SYN3: variants seen among roughly 807,000 people sequenced by gnomAD.
The protein encoded by SYN3 is synapsin III, also known as synapsin-3.
Under a neutral mutation model 65.8 loss-of-function variants are expected in SYN3, and 35 were observed. That is an observed-to-expected ratio of 0.53 (90% CI 0.41 to 0.70). The LOEUF is 0.70. Among genes scored for constraint, SYN3 ranks in the 30% least tolerant of loss-of-function variants. SYN3 has a pLI of 0.00. For synonymous variants in SYN3, 270 were observed against 292.9 expected, an observed-to-expected ratio of 0.92 and a Z score of 0.80; for missense variants, 680 against 749.0, an observed-to-expected ratio of 0.91 and a Z score of 1.08.
rs368546777 is a variant in SYN3 at position 32,788,979 on chromosome 22, C to G, written c.711+75936G>C. 1.4e-4 allele frequency among the ~76,000 whole-genome samples: 21 copies of G among 152,322 alleles called. No individual in the cohort carries two copies. The East Asian group carries it at 3.9e-3, about 28-fold the overall frequency. On this transcript the variant is annotated intron_variant, in intron 6 of 13. Coordinates refer to ENST00000358763, the MANE Select transcript of SYN3 (RefSeq NM_003490.4). ...CCTTGCCACATGCTGCCCCCCCACC[C>G]CCAACAAGCCAGATGCCAGTCACCT...
chr22:32,595,008 A>G (rs140205158), intron 7 of SYN3, among the ~76,000 whole-genome samples: 169 of 152,260 alleles, frequency 1.1e-3, no homozygotes, highest in African/African-American at 3.7e-3. Flanking sequence ...GTCCCCTCCA[A>G]TGTGAGTGGC....
chr22:32,634,676 C>T (rs2059790579), intron 6 of SYN3, among the ~76,000 whole-genome samples: 2 of 152,170 alleles, frequency 1.3e-5, no homozygotes, highest in South Asian at 4.1e-4. Context: ...CTAACTATTA[C>T]TTCTCTTTCA....
At chr22:32,887,016 T>TAG (rs2049312484) in intron 4 of SYN3, among the ~76,000 whole-genome samples, 2 of 149,932 alleles carry the variant, frequency 1.3e-5, no homozygotes, top group Non-Finnish European at 3.0e-5. Flanking sequence ...GTCAGATAAG[T>TAG]CTCAGTCTTG....
Position 32,736,910 on chromosome 22 carries a change from T to C in SYN3, c.711+128005A>G, listed in dbSNP as rs73156435. ...TGTGTATTCTTCAAATGCTCTCCTATTCTTTTTTCACTAAACATTTACCAG... is the reference window on the plus strand; with the variant it reads ...TGTGTATTCTTCAAATGCTCTCCTACTCTTTTTTCACTAAACATTTACCAG... On this transcript the variant is annotated intron_variant, in intron 6 of 13. Transcript: ENST00000358763. 4.1e-3 allele frequency among the ~76,000 whole-genome samples: 619 copies of C among 152,282 alleles called. 4 individuals are homozygous for C. The highest frequency in any genetic ancestry group is 0.013 in the East Asian group (66 of 5,170).
chr22:32,589,362 G>T (rs945117289), intron 7 of SYN3, among the ~76,000 whole-genome samples: 1 of 152,170 alleles, frequency 6.6e-6, no homozygotes, highest in African/African-American at 2.4e-5. Context: ...CACCTCCATG[G>T]TGTCTTAATT....
intron 6 of SYN3, among the ~76,000 whole-genome samples, chr22:32,719,078 C>A (rs1415725465): frequency 6.6e-6 from 1 of 152,228 alleles, no homozygotes; most frequent in Non-Finnish European, 1.5e-5. Flanking sequence ...CTCTATGAAG[C>A]CTTCCTCAGG....
chr22:32,938,285 T>C (rs895642723), intron 3 of SYN3, among the ~76,000 whole-genome samples: 3 of 151,770 alleles, frequency 2.0e-5, no homozygotes, highest in Admixed American at 6.6e-5. Flanking sequence ...TCCCAGCACT[T>C]TGGGAGGCCG....
At chr22:32,807,614 G>A (rs2046800175) in intron 6 of SYN3, among the ~76,000 whole-genome samples, 2 of 149,744 alleles carry the variant, frequency 1.3e-5, no homozygotes. Context: ...TGAGGAAACT[G>A]AGGCTTAGAA....
chr22:32,523,458 A>G (rs1444796258), intron 12 of SYN3, among the ~76,000 whole-genome samples: 19 of 152,226 alleles, frequency 1.2e-4, no homozygotes, highest in Non-Finnish European at 1.5e-5. Flanking sequence ...GGTTGCAGTG[A>G]GCTGAGATTG....
chr22:32,607,564 A>G (rs1478910027), intron 6 of SYN3, among the ~76,000 whole-genome samples: 1 of 152,110 alleles, frequency 6.6e-6, no homozygotes, highest in Non-Finnish European at 1.5e-5. Context: ...CTGGCCTTCT[A>G]ATCCCACCTC....
At chr22:32,778,657 G>A (rs116112583) in intron 6 of SYN3, among the ~76,000 whole-genome samples, 103 of 152,198 alleles carry the variant, frequency 6.8e-4, no homozygotes, top group African/African-American at 2.5e-3. Context: ...TCCCATGGGA[G>A]CCAGTATCAG....
At chr22:32,559,620 T>A (rs1356947317) in intron 7 of SYN3, among the ~76,000 whole-genome samples, 1 of 151,878 alleles carries the variant, frequency 6.6e-6, no homozygotes, top group East Asian at 1.9e-4. Flanking sequence ...CGAGGTCAGA[T>A]CGAGACCATC....
intron 7 of SYN3, among the ~76,000 whole-genome samples, chr22:32,572,404 C>CT (rs796862200): frequency 1.0e-5 from 1 of 98,164 alleles, no homozygotes; most frequent in Non-Finnish European, 2.1e-5. Flanking sequence ...CCCTCCCTCC[C>CT]TCCTGTCTTT....
rs73162100 is a variant in SYN3 at position 33,047,035 on chromosome 22, T to A, written c.-163+11257A>T. ...TTCTACAGGTATTTCCAAAACTCAC[T>A]CCCAAACATCACGGCTCTACTGAAA... On this transcript the variant is annotated intron_variant, in intron 1 of 13. Coordinates refer to ENST00000358763, the MANE Select transcript of SYN3 (RefSeq NM_003490.4). Among the ~76,000 whole-genome samples, 1,393 of 151,932 alleles carry A rather than the reference T, an allele frequency of 9.2e-3. 13 individuals are homozygous for A. Among genetic ancestry groups the A allele is most frequent in the South Asian group, 0.026 (123 of 4,804 alleles).
rs193175385 is a variant in SYN3, at chr22:32,793,243, C to T, written c.711+71672G>A. 2.6e-3 allele frequency among the ~76,000 whole-genome samples: 400 copies of T among 152,222 alleles called. 3 individuals are homozygous for T. The highest frequency in any genetic ancestry group is 9.1e-3 in the African/African-American group (376 of 41,536). On this transcript the variant is annotated intron_variant, in intron 6 of 13. Transcript: ENST00000358763. The stretch of plus-strand genomic sequence containing the variant: ...CCTGAATTAGAGCAGCCTGGAGTGA[C>T]GGGAAGATGATGAGGTACTAAGGAG...
At chr22:32,811,226 T>A (rs137941232) in intron 6 of SYN3, among the ~76,000 whole-genome samples, 6 of 152,152 alleles carry the variant, frequency 3.9e-5, no homozygotes, top group African/African-American at 1.4e-4. Flanking sequence ...ATAAGCAGAC[T>A]GAGGGGGGCC....
intron 6 of SYN3, among the ~76,000 whole-genome samples, chr22:32,643,984 A>G (rs2059944594): frequency 7.0e-6 from 1 of 143,694 alleles, no homozygotes; most frequent in Non-Finnish European, 1.5e-5. Flanking sequence ...AGGCTGAGGC[A>G]GGAGAATCGC....
intron 6 of SYN3, among the ~76,000 whole-genome samples, chr22:32,746,378 T>G (rs538167776): frequency 6.6e-6 from 1 of 152,314 alleles, no homozygotes; most frequent in South Asian, 2.1e-4. Flanking sequence ...TAGATCCAGC[T>G]GGGTAACCAT....
At chr22:32,742,647 G>A (rs1233785901) in intron 6 of SYN3, among the ~76,000 whole-genome samples, 1 of 152,194 alleles carries the variant, frequency 6.6e-6, no homozygotes, top group African/African-American at 2.4e-5. Flanking sequence ...CAGTGAGGAA[G>A]CACATGAGCT....
Sources: allele counts gnomAD v4.1 joint callset (sites outside exome capture counted in the v4.1 genomes callset), GRCh38; gene constraint gnomAD v4.1.1; transcripts MANE v1.5; gene names NCBI Gene and HGNC (gene_info 2026-07-23, HGNC 2026-07-21).